The following VSIG8 variants were observed in gnomAD, a reference collection of about 807,000 sequenced individuals.
VSIG8 encodes the protein V-set and immunoglobulin domain-containing protein 8.
In VSIG8, 32 loss-of-function variants were observed where a neutral mutation model predicts 42.6. The ratio of observed to expected loss-of-function variants is 0.75; its 90% CI spans 0.57 to 1.01. The LOEUF is 1.01. Among genes scored for constraint, VSIG8 ranks in the 50% least tolerant of loss-of-function variants. VSIG8 has a pLI of 0.00. For synonymous variants in VSIG8, 290 were observed against 243.8 expected (o/e 1.19, Z -1.77); for missense variants, 529 against 558.0 (o/e 0.95, Z 0.52).
Position 159,855,957 on chromosome 1 carries a change from G to A in VSIG8, c.897C>T (p.Ala299=), listed in dbSNP as rs762494584. 6.3e-7 allele frequency: 1 copy of A among 1,582,866 alleles called. No individual in the cohort carries two copies. Residue 299 remains alanine (A), a synonymous_variant, in exon 6 of 7, where the codon GCC becomes GCT. Coordinates refer to ENST00000368100, the MANE Select transcript of VSIG8 (RefSeq NM_001013661.1). ...CCCGGSGAGG[A]RGAFGYGNGG... ...CGTTGCCGTAGCCGAAGGCACCGCG[G>A]GCGCCGCCAGCCCCGGAGCCCCCGC...
At chr1:159,856,489 C>T in intron 5 of VSIG8, 35 bp downstream of exon 5, 1 of 1,610,622 alleles carries the variant, frequency 6.2e-7, no homozygotes, top group Non-Finnish European at 8.5e-7. Context: ...GTTCAACCCT[C>T]CCAACCACCC....
rs1261867839 is a variant in VSIG8 at position 159,856,554 on chromosome 1, T to C, written c.742A>G (p.Ser248Gly). 10 of 1,614,014 alleles carry C rather than the reference T, an allele frequency of 6.2e-6. No homozygotes were observed. Among genetic ancestry groups the C allele is most frequent in the Non-Finnish European group, 8.5e-6 (10 of 1,180,002 alleles). Residue 248 changes from serine to glycine, a missense_variant, in exon 5 of 7, where the codon AGT (serine) becomes GGT (glycine). Coordinates refer to ENST00000368100, the MANE Select transcript of VSIG8 (RefSeq NM_001013661.1). ...QCTVANNVGY[S>G]VCVVEVKVSD... ...ACCTTCACCTCCACCACACAAACAC[T>C]GTAGCCCACGTTGTTGGCCACTGTG...
chr1:159,858,124 G>C lies in VSIG8; in HGVS notation c.396C>G (p.Thr132=). The stretch of plus-strand genomic sequence containing the variant: ...TGACAATGACCTTCCGGGTGGCCAT[G>C]GTGGTCTTCTTCACCCGGCACTCAT... The part of the protein sequence containing the change: ...ATYECRVKKT[T]MATRKVIVTV... Residue 132 remains threonine, a synonymous_variant, in exon 3 of 7, where the codon ACC becomes ACG. Coordinates refer to ENST00000368100, the MANE Select transcript of VSIG8 (RefSeq NM_001013661.1). 6.2e-7 allele frequency: 1 copy of C among 1,614,198 alleles called. No homozygotes were observed. Among genetic ancestry groups the C allele is most frequent in the Non-Finnish European group, 8.5e-7 (1 of 1,180,036 alleles).
At chr1:159,861,062 G>A (rs1324808068) in intron 1 of VSIG8, 3 of 152,224 alleles carry the variant, frequency 2.0e-5, no homozygotes, top group African/African-American at 4.8e-5. Flanking sequence ...GTCTCACCTT[G>A]ATTCCTCTTG....
intron 6 of VSIG8, 150 bp downstream of exon 6, chr1:159,855,733 C>A: frequency 7.3e-7 from 1 of 1,374,660 alleles, no homozygotes; most frequent in Non-Finnish European, 9.4e-7. Context: ...AGTTGGGTGG[C>A]AGGTCGACAT....
chr1:159,862,416 C>G (rs1157724270), intron 1 of VSIG8, 57 bp downstream of exon 1: 3 of 1,548,598 alleles, frequency 1.9e-6, no homozygotes, highest in Non-Finnish European at 2.6e-6. Context: ...CCTTGCTGCC[C>G]CTTTCCTTCC....
At position 159,856,023 on chromosome 1, in the gene VSIG8, G is replaced by A. The variant is rs945246459; in HGVS notation, c.831C>T (p.Gly277=). 6 of 1,611,544 alleles carry A rather than the reference G, an allele frequency of 3.7e-6. No individual in the cohort carries two copies. Among genetic ancestry groups the A allele is most frequent in the East Asian group, 2.2e-5 (1 of 44,776 alleles). Residue 277 remains glycine (G), a synonymous_variant, in exon 6 of 7, where the codon GGC becomes GGT. Transcript: ENST00000368100. ...GIVLGSLLAL[G]CLAVGIWGLV... ...GCCCCCAGATGCCTACGGCCAGGCA[G>A]CCCAGCGCGAGCAGAGAGCCCAGGA...
Position 159,858,232 on chromosome 1 carries a change from C to T in VSIG8, c.288G>A (p.Arg96=), listed in dbSNP as rs755351609. Residue 96 remains arginine (R), a synonymous_variant, in exon 3 of 7, where the codon AGG becomes AGA. Transcript: ENST00000368100. ...NHGSLPHLQQ[R]VRFAASDPSQ... ...TTGGGTCTGAGGCTGCAAAGCGGAC[C>T]CTCTGCTGCAGATGGGGAAGGCTGC... The T allele has an allele frequency of 2.5e-6, 4 of 1,614,182 alleles. No homozygotes were observed. The highest frequency in any genetic ancestry group is 2.2e-5 in the South Asian group (2 of 91,076).
rs776214466 is a variant in VSIG8 at position 159,857,805 on chromosome 1, G to A, written c.592C>T (p.Gln198Ter). The change falls in exon 4 of 7, where the codon CAG becomes TAG. Residue 198 changes from glutamine to a stop codon, truncating the protein, a stop_gained. Transcript: ENST00000368100. LOFTEE classifies it high-confidence loss of function. ...GACAGCTCTGAGTGGTAGCTGTGCT[G>A]GGAGGTGTAAGACCCAGCTCGATAG... Reference protein sequence around the residue: ...YPYRAGSYTSQHSYHSELSYQ... With the variant: ...YPYRAGSYTS 6.2e-6 allele frequency: 10 copies of A among 1,614,090 alleles called. No homozygotes were observed. Among genetic ancestry groups the A allele is most frequent in the Non-Finnish European group, 8.5e-7 (1 of 1,180,038 alleles).
intron 1 of VSIG8, among the ~76,000 whole-genome samples, chr1:159,859,907 C>A (rs1363523304): frequency 1.3e-5 from 2 of 151,926 alleles, no homozygotes; most frequent in African/African-American, 4.8e-5. Context: ...GAGCTCTTGT[C>A]CCTCCCTACC....
intron 5 of VSIG8, 54 bp from the exon 6 acceptor site, chr1:159,856,135 G>A: frequency 1.3e-6 from 2 of 1,549,216 alleles, no homozygotes; most frequent in Non-Finnish European, 8.8e-7. Context: ...GCAGGTGCCT[G>A]AGGGAACAGC....
chr1:159,860,229 C>T (rs958420057), intron 1 of VSIG8, among the ~76,000 whole-genome samples: 2 of 152,294 alleles, frequency 1.3e-5, no homozygotes, highest in East Asian at 1.9e-4. Flanking sequence ...GCAAACAAAT[C>T]GGCACGTGGC....
At chr1:159,857,258 T>G (rs116352874) in intron 4 of VSIG8, among the ~76,000 whole-genome samples, 2 of 152,128 alleles carry the variant, frequency 1.3e-5, no homozygotes, top group Non-Finnish European at 2.9e-5. Context: ...CTCTCCACAT[T>G]TGCCTTATCA....
At position 159,862,611 on chromosome 1, in the gene VSIG8, G is replaced by T. The variant is rs571063327; in HGVS notation, c.-90C>A. The stretch of plus-strand genomic sequence containing the variant: ...GAGGGGGTAGGTGGAGGGAGGGGGA[G>T]CTGAGGGCCCAGACACTGCCTGGGG... On this transcript the variant is annotated 5_prime_UTR_variant, in exon 1 of 7. Coordinates refer to ENST00000368100, the MANE Select transcript of VSIG8 (RefSeq NM_001013661.1). 48 of 1,253,136 alleles carry T rather than the reference G, an allele frequency of 3.8e-5. No homozygotes were observed. In the Admixed American group the frequency reaches 4.4e-4, roughly 12 times the overall value. 77.6% of individuals were successfully genotyped at this position (1,253,136 alleles called of 1,614,324 possible).
At position 159,862,531 on chromosome 1, in the gene VSIG8, C is replaced by A. The variant is rs1471883989; in HGVS notation, c.-10G>T. The A allele has an allele frequency of 1.2e-6, 2 of 1,612,522 alleles. No individual in the cohort carries two copies. The highest frequency in any genetic ancestry group is 3.3e-5 in the Admixed American group (2 of 59,908). On this transcript the variant is annotated 5_prime_UTR_variant, in exon 1 of 7. Coordinates refer to ENST00000368100, the MANE Select transcript of VSIG8 (RefSeq NM_001013661.1). ...CTCCTCCAACTCTCATGTCTCTAGGCTCGGTGTTTCCTCCGTCTGGGCTGG... is the reference window on the plus strand; with the variant it reads ...CTCCTCCAACTCTCATGTCTCTAGGATCGGTGTTTCCTCCGTCTGGGCTGG...
At chr1:159,856,131 G>C (rs747082748) in intron 5 of VSIG8, 50 bp from the exon 6 acceptor site, 2 of 1,558,836 alleles carry the variant, frequency 1.3e-6, no homozygotes, top group South Asian at 2.3e-5. Context: ...CCTGGCAGGT[G>C]CCTGAGGGAA....
chr1:159,858,640 T>C, intron 2 of VSIG8, 94 bp downstream of exon 2: 1 of 1,438,412 alleles, frequency 7.0e-7, no homozygotes, highest in Non-Finnish European at 9.3e-7. Context: ...TTGGGGGAGG[T>C]TCAAGGTCAG....
At position 159,854,630 on chromosome 1, in the gene VSIG8, C is replaced by A; in HGVS notation, c.*123G>T. ...CATTTCCTTAGGGAAATGCCTTCAC[C>A]CCCAGCCGCCTGGCAGCCTGGGGCG... On this transcript the variant is annotated 3_prime_UTR_variant, in exon 7 of 7. Coordinates refer to ENST00000368100, the MANE Select transcript of VSIG8 (RefSeq NM_001013661.1). 2 of 1,340,414 alleles carry A rather than the reference C, an allele frequency of 1.5e-6. No homozygotes were observed. Among genetic ancestry groups the A allele is most frequent in the Non-Finnish European group, 1.9e-6 (2 of 1,050,690 alleles). The allele number at this position is 1,340,414 out of a possible 1,614,324, so 83.0% of individuals were successfully genotyped here.
Position 159,854,724 on chromosome 1 carries a change from T to C in VSIG8, c.*29A>G, listed in dbSNP as rs1249987846. ...GAGAGCCCCGCGCCCTCCTCCTGGC[T>C]GGGGCGCAGCCCGGCCCGGCGCGCG... is the stretch of plus-strand genomic sequence containing the variant. On this transcript the variant is annotated 3_prime_UTR_variant, in exon 7 of 7. Coordinates refer to ENST00000368100, the MANE Select transcript of VSIG8 (RefSeq NM_001013661.1). 11 of 1,440,616 alleles carry C rather than the reference T, an allele frequency of 7.6e-6. No individual in the cohort carries two copies. The highest frequency in any genetic ancestry group is 3.0e-5 in the East Asian group (1 of 33,694). The allele number at this position is 1,440,616 out of a possible 1,614,324, so 89.2% of individuals were successfully genotyped here. A position where few individuals can be genotyped will look rare whatever the true frequency, so the allele number is the denominator to read the frequency against.
Sources: allele counts gnomAD v4.1 joint callset (sites outside exome capture counted in the v4.1 genomes callset), GRCh38; gene constraint gnomAD v4.1.1; transcripts MANE v1.5; gene names NCBI Gene and HGNC (gene_info 2026-07-23, HGNC 2026-07-21).